DNAH17: variants seen among roughly 807,000 people sequenced by gnomAD.
DNAH17 encodes axonemal beta dynein heavy chain 17.
A neutral mutation model predicts 485.6 loss-of-function variants in DNAH17; 376 were observed. The observed-to-expected ratio is 0.77, with a 90% confidence interval of 0.71 to 0.84. DNAH17 has a LOEUF of 0.84. Among genes scored for constraint, DNAH17 ranks in the 40% least tolerant of loss-of-function variants. The probability of loss-of-function intolerance (pLI) is 0.00; values close to 1 mark genes in which losing one functional copy is unlikely to be tolerated. For synonymous variants in DNAH17, 3,031 were observed against 2,405.9 expected, an observed-to-expected ratio of 1.26 and a Z score of -7.60; for missense variants, 6,370 against 5,839.3, an observed-to-expected ratio of 1.09 and a Z score of -2.96.
Position 78,529,643 on chromosome 17 carries a change from C to T in DNAH17, c.3336G>A (p.Lys1112=). The T allele has an allele frequency of 6.2e-7, 1 of 1,613,968 alleles. No individual in the cohort carries two copies. Among genetic ancestry groups the T allele is most frequent in the Non-Finnish European group, 8.5e-7 (1 of 1,179,852 alleles). ...CATCATAGTCCCCCTCCTTGAGGGG[C>T]TTGGTCAAGCCCATTCTGGCGACTT... ...FMKVARMGLT[K]PLKEGDYDGL... Residue 1112 remains lysine (K), a synonymous_variant, in exon 22 of 81, where the codon AAG becomes AAA. Coordinates refer to ENST00000389840, the MANE Select transcript of DNAH17 (RefSeq NM_173628.4).
At position 78,439,139 on chromosome 17, in the gene DNAH17, T is replaced by C. The variant is rs2146452103; in HGVS notation, c.11756A>G (p.Glu3919Gly). Residue 3919 changes from glutamate to glycine, a missense_variant, in exon 73 of 81, where the codon GAG (glutamate) becomes GGG (glycine). Physicochemically the swap from Glu to Gly is moderately conservative, Grantham distance 98. Transcript: ENST00000389840. ...CTCTGCAGCCACGTCCAGGGCGTTC[T>C]CAGCCACCACCTCTTGTCCCTGCCC... ...SLGQGQEVVA[E>G]NALDVAAEKG... The C allele has an allele frequency of 6.2e-7, 1 of 1,613,732 alleles. No individual in the cohort carries two copies. The highest frequency in any genetic ancestry group is 1.1e-5 in the South Asian group (1 of 91,072).
intron 11 of DNAH17, among the ~76,000 whole-genome samples, chr17:78,564,825 G>T (rs117363821): frequency 5.3e-5 from 8 of 152,120 alleles, no homozygotes; most frequent in Non-Finnish European, 1.0e-4. Context: ...GTATACAAAT[G>T]AATATGAGGG....
intron 58 of DNAH17, 123 bp downstream of exon 58, chr17:78,461,421 T>C: frequency 9.3e-7 from 1 of 1,072,916 alleles, no homozygotes; most frequent in Non-Finnish European, 1.3e-6. Flanking sequence ...AGGAACCTTG[T>C]CCTTCTATGT....
At chr17:78,508,918 C>T (rs2090560861) in intron 27 of DNAH17, among the ~76,000 whole-genome samples, 1 of 151,708 alleles carries the variant, frequency 6.6e-6, no homozygotes, top group South Asian at 2.1e-4. Flanking sequence ...CCTCCCACTT[C>T]AGCCTCCCAA....
intron 18 of DNAH17, among the ~76,000 whole-genome samples, chr17:78,538,128 ACT>A (rs2091426230): frequency 8.3e-6 from 1 of 120,468 alleles, no homozygotes; most frequent in African/African-American, 3.3e-5. Context: ...CAAGAGCAAA[ACT>A]CTGTCTCCAA....
chr17:78,495,837 G>C, intron 38 of DNAH17, 38 bp downstream of exon 38: 1 of 1,595,232 alleles, frequency 6.3e-7, no homozygotes, highest in East Asian at 2.2e-5. Context: ...GGCCGGCCTG[G>C]CTCACTGCAG....
intron 58 of DNAH17, among the ~76,000 whole-genome samples, 161 bp from the exon 59 acceptor site, chr17:78,460,418 A>G (rs1175976487): frequency 6.6e-6 from 1 of 152,038 alleles, no homozygotes; most frequent in Non-Finnish European, 1.5e-5. Context: ...GTGTGCATGT[A>G]TGTGTATGTG....
intron 62 of DNAH17, among the ~76,000 whole-genome samples, chr17:78,457,542 T>C (rs2087865490): frequency 6.6e-6 from 1 of 152,102 alleles, no homozygotes; most frequent in Non-Finnish European, 1.5e-5. Context: ...TGTTTCTTTG[T>C]ACTTAAAAAA....
chr17:78,556,068 T>C (rs2092015013), intron 14 of DNAH17, among the ~76,000 whole-genome samples: 2 of 152,218 alleles, frequency 1.3e-5, no homozygotes, highest in African/African-American at 4.8e-5. Flanking sequence ...TAAATCTCCA[T>C]ATATACATGT....
Position 78,510,463 on chromosome 17 carries a change from A to G in DNAH17, c.4157T>C (p.Leu1386Pro), listed in dbSNP as rs2090603871. Reference protein sequence around the residue: ...MSEETTLADLLQLNLHSYEDE... With the variant: ...MSEETTLADLPQLNLHSYEDE... ...CTCGTAACTGTGGAGGTTCAGCTGC[A>G]GTAAATCTGCCAGGGTCGTCTCTTC... Residue 1386 changes from leucine (L) to proline (P), a missense_variant, in exon 27 of 81, where the codon CTG becomes CCG. Coordinates refer to ENST00000389840, the MANE Select transcript of DNAH17 (RefSeq NM_173628.4). The G allele has an allele frequency of 6.2e-7, 1 of 1,613,912 alleles. No individual in the cohort carries two copies. Among genetic ancestry groups the G allele is most frequent in the Non-Finnish European group, 8.5e-7 (1 of 1,179,826 alleles).
intron 62 of DNAH17, among the ~76,000 whole-genome samples, chr17:78,457,920 C>CA (rs1474518011): frequency 6.6e-6 from 1 of 152,210 alleles, no homozygotes; most frequent in Non-Finnish European, 1.5e-5. Flanking sequence ...CTTGGCCTCC[C>CA]AAAGTGCTGG....
Position 78,526,862 on chromosome 17 carries a change from C to A in DNAH17, c.3624+18G>T. 6.4e-7 allele frequency: 1 copy of A among 1,561,916 alleles called. No individual in the cohort carries two copies. Among genetic ancestry groups the A allele is most frequent in the Non-Finnish European group, 8.7e-7 (1 of 1,151,736 alleles). ...GCTGCTCCCCGGAAATCCCGCCACC[C>A]TGCCCCAGGTATAATACCTCGAATT... On this transcript the variant is annotated intron_variant, in intron 23 of 80. Coordinates refer to ENST00000389840, the MANE Select transcript of DNAH17 (RefSeq NM_173628.4).
chr17:78,576,252 A>G (rs1248622302), intron 1 of DNAH17, among the ~76,000 whole-genome samples: 1 of 152,202 alleles, frequency 6.6e-6, no homozygotes, highest in Non-Finnish European at 1.5e-5. Flanking sequence ...GAACAGGTTT[A>G]TTTCACCCTG....
chr17:78,461,842 C>T (rs865804863), intron 57 of DNAH17, 134 bp from the exon 58 acceptor site: 6 of 765,228 alleles, frequency 7.8e-6, no homozygotes, highest in East Asian at 3.0e-5. Flanking sequence ...CCCAGTGACT[C>T]GTTTTGGAGA....
chr17:78,473,471 G>C (rs993804872), intron 54 of DNAH17, among the ~76,000 whole-genome samples: 2 of 149,394 alleles, frequency 1.3e-5, no homozygotes, highest in Admixed American at 6.7e-5. Flanking sequence ...GTGAACCCGG[G>C]AAGCGGAGCT....
At chr17:78,555,543 C>CA (rs765954549) in intron 14 of DNAH17, among the ~76,000 whole-genome samples, 8,059 of 77,500 alleles carry the variant, frequency 0.1, 912 homozygotes, top group African/African-American at 0.24. Context: ...GATTCCGTCA[C>CA]AAAAAAAAAA....
At chr17:78,461,748 C>G in intron 57 of DNAH17, 40 bp from the exon 58 acceptor site, 2 of 1,582,338 alleles carry the variant, frequency 1.3e-6, no homozygotes, top group Non-Finnish European at 1.7e-6. Flanking sequence ...GTGTGGGCCG[C>G]AGCCGACACA....
intron 13 of DNAH17, among the ~76,000 whole-genome samples, chr17:78,558,631 G>A (rs2092083902): frequency 1.3e-5 from 2 of 152,194 alleles, no homozygotes; most frequent in Non-Finnish European, 2.9e-5. Flanking sequence ...GTAGGTGGAT[G>A]ATATCATCAT....
rs543758836 is a variant in DNAH17, at chr17:78,425,350, C to T, written c.13137G>A (p.Met4379Ile). The change falls in exon 80 of 81, where the codon ATG (methionine) becomes ATA (isoleucine). Residue 4379 changes from methionine (M) to isoleucine (I), a missense_variant. Transcript: ENST00000389840. ...REGSYVYGLF[M>I]EGARWDTQTG... Reference sequence around the variant, plus strand: ...ACAGACAAGAGCCCTCCTTACCTTCCATGAAGAGTCCGTACACGTAGGAGC... The same window carrying T: ...ACAGACAAGAGCCCTCCTTACCTTCTATGAAGAGTCCGTACACGTAGGAGC... 6.2e-7 allele frequency: 1 copy of T among 1,613,802 alleles called. No individual in the cohort carries two copies. Among genetic ancestry groups the T allele is most frequent in the South Asian group, 1.1e-5 (1 of 91,066 alleles).
Sources: allele counts gnomAD v4.1 joint callset (sites outside exome capture counted in the v4.1 genomes callset), GRCh38; gene constraint gnomAD v4.1.1; transcripts MANE v1.5; gene names NCBI Gene and HGNC (gene_info 2026-07-23, HGNC 2026-07-21).